Variants in ZFAND1 observed in about 807,000 individuals in gnomAD.
ZFAND1 encodes the protein AN1-type zinc finger protein 1.
Under a neutral mutation model 38.5 loss-of-function variants are expected in ZFAND1, and 40 were observed. The observed-to-expected ratio is 1.04, with a 90% CI of 0.81 to 1.35. The LOEUF (loss-of-function observed/expected upper bound fraction) is 1.35, where lower values mean the gene tolerates loss of function less well. Ranked by LOEUF, ZFAND1 falls within the 40% of genes most tolerant of loss-of-function variation. The pLI is 0.00. For missense variants in ZFAND1, 346 were observed against 316.3 expected, an observed-to-expected ratio of 1.09 and a Z score of -0.71; for synonymous variants, 117 against 103.6, an observed-to-expected ratio of 1.13 and a Z score of -0.78.
At chr8:81,717,500 G>A (rs13275876) in intron 2 of ZFAND1, among the ~76,000 whole-genome samples, 58,405 of 151,880 alleles carry the variant, frequency 0.38, 12,531 homozygotes, top group Admixed American at 0.5. Context: ...TTCAATATGA[G>A]TAAAAACAAT....
At chr8:81,705,634 T>C (rs1807955826) in intron 6 of ZFAND1, among the ~76,000 whole-genome samples, 1 of 152,116 alleles carries the variant, frequency 6.6e-6, no homozygotes, top group Non-Finnish European at 1.5e-5. Context: ...ATAGAAACAA[T>C]TATAGGCTGG....
chr8:81,710,268 G>A (rs1585923879), intron 6 of ZFAND1, among the ~76,000 whole-genome samples: 4 of 152,292 alleles, frequency 2.6e-5, no homozygotes, highest in Admixed American at 2.0e-4. Flanking sequence ...AGAGACACAG[G>A]AGTGTGTATG....
intron 6 of ZFAND1, among the ~76,000 whole-genome samples, chr8:81,712,958 A>G (rs1277217878): frequency 3.3e-5 from 5 of 152,210 alleles, no homozygotes; most frequent in African/African-American, 9.6e-5. Context: ...GAAGTTGACC[A>G]TATCTAGTAA....
chr8:81,721,011 C>G (rs1380596021), intron 1 of ZFAND1: 11 of 576,074 alleles, frequency 1.9e-5, no homozygotes, highest in Non-Finnish European at 3.1e-5. Context: ...GCATGGCTTC[C>G]TTCCAAGGAG....
At chr8:81,713,254 C>CTG (rs1464048805) in intron 6 of ZFAND1, among the ~76,000 whole-genome samples, 6 of 99,698 alleles carry the variant, frequency 6.0e-5, no homozygotes, top group Non-Finnish European at 1.2e-4. Flanking sequence ...TCCCGAGTAG[C>CTG]TGGGACTACA....
chr8:81,708,981 G>A (rs1429939567), intron 6 of ZFAND1, among the ~76,000 whole-genome samples: 1 of 152,164 alleles, frequency 6.6e-6, no homozygotes, highest in Non-Finnish European at 1.5e-5. Flanking sequence ...AAAGTTGTTT[G>A]ACAATTTTTA....
intron 5 of ZFAND1, 82 bp downstream of exon 5, chr8:81,714,722 C>A: frequency 8.5e-7 from 1 of 1,177,372 alleles, no homozygotes; most frequent in Non-Finnish European, 1.3e-6. Context: ...ATTAATGATG[C>A]CTCCCATAAT....
Position 81,703,151 on chromosome 8 carries a change from C to T in ZFAND1, c.481-27G>A, listed in dbSNP as rs781085872. 2.1e-6 allele frequency: 3 copies of T among 1,452,156 alleles called. No homozygotes were observed. In the South Asian group the frequency reaches 4.4e-5, roughly 21 times the overall value. 90.0% of individuals were successfully genotyped at this position (1,452,156 alleles called of 1,614,324 possible). A position where few individuals can be genotyped will look rare whatever the true frequency, so the allele number is the denominator to read the frequency against. ...TGTAAAAAGAAAAAGTTAAAACAAC[C>T]ATTACATAGACAAAATAGACATCAG... On this transcript the variant is annotated intron_variant, in intron 6 of 7. Transcript: ENST00000220669.
At chr8:81,714,611 C>A in intron 5 of ZFAND1, 193 bp downstream of exon 5, 1 of 554,170 alleles carries the variant, frequency 1.8e-6, no homozygotes, top group Non-Finnish European at 3.2e-6. Context: ...TGGAGTACCT[C>A]CAAATAATTT....
chr8:81,707,075 T>C (rs1015617437), intron 6 of ZFAND1, among the ~76,000 whole-genome samples: 13 of 152,240 alleles, frequency 8.5e-5, no homozygotes, highest in African/African-American at 3.1e-4. Context: ...AAATCCAGTG[T>C]GAATCCTTCA....
In ZFAND1 at chr8:81,717,231, G is replaced by A; in HGVS notation, c.138+18C>T. 1 of 1,526,696 alleles carries A rather than the reference G, an allele frequency of 6.6e-7. No homozygotes were observed. Among genetic ancestry groups the A allele is most frequent in the Admixed American group, 2.4e-5 (1 of 41,920 alleles). The allele number at this position is 1,526,696 out of a possible 1,614,324, so 94.6% of individuals were successfully genotyped here. A position where few individuals can be genotyped will look rare whatever the true frequency, so the allele number is the denominator to read the frequency against. ...AAATACGAATACATTTTATCAGATT[G>A]GAAAAATACTAACATACCTCAGGAC... On this transcript the variant is annotated intron_variant, in intron 3 of 7. Transcript: ENST00000220669.
At chr8:81,720,316 A>G (rs1808433401) in intron 1 of ZFAND1, among the ~76,000 whole-genome samples, 1 of 152,174 alleles carries the variant, frequency 6.6e-6, no homozygotes, top group Non-Finnish European at 1.5e-5. Flanking sequence ...TCTCAGTGCA[A>G]TGGGGAGAGC....
At chr8:81,718,080 G>T in intron 2 of ZFAND1, 102 bp downstream of exon 2, 1 of 941,336 alleles carries the variant, frequency 1.1e-6, no homozygotes, top group Non-Finnish European at 1.5e-6. Flanking sequence ...ATAATCAATG[G>T]CTAAAGTAAC....
chr8:81,720,094 GT>G (rs1163746012), intron 1 of ZFAND1, among the ~76,000 whole-genome samples: 1 of 152,194 alleles, frequency 6.6e-6, no homozygotes, highest in Non-Finnish European at 1.5e-5. Flanking sequence ...AATCTCAAGA[GT>G]CTTTGACACG....
At chr8:81,706,665 A>G (rs866999483) in intron 6 of ZFAND1, among the ~76,000 whole-genome samples, 1 of 152,064 alleles carries the variant, frequency 6.6e-6, no homozygotes, top group Non-Finnish European at 1.5e-5. Flanking sequence ...AATAATGAGT[A>G]TAATTATTTA....
rs1807814607 is a variant in ZFAND1, at chr8:81,701,623, T to C, written c.*1072A>G. ...CATTTAGTGGGAACTCAAATAACTA[T>C]GCTAATGAATGAAAGTACAAGAACA... is the stretch of plus-strand genomic sequence containing the variant. On this transcript the variant is annotated 3_prime_UTR_variant, in exon 8 of 8. Coordinates refer to ENST00000220669, the MANE Select transcript of ZFAND1 (RefSeq NM_024699.3). The C allele has an allele frequency of 6.6e-6, 1 of 152,178 alleles. No individual in the cohort carries two copies. Among genetic ancestry groups the C allele is most frequent in the African/African-American group, 2.4e-5 (1 of 41,450 alleles). The allele number at this position is 152,178 out of a possible 1,614,324, so 9.4% of individuals were successfully genotyped here. A position where few individuals can be genotyped will look rare whatever the true frequency, so the allele number is the denominator to read the frequency against.
At position 81,703,019 on chromosome 8, in the gene ZFAND1, CAA is replaced by C; in HGVS notation, c.584_585del (p.Phe195CysfsTer8). 5 of 1,564,182 alleles carry C rather than the reference CAA, an allele frequency of 3.2e-6. No individual in the cohort carries two copies. The highest frequency in any genetic ancestry group is 4.3e-6 in the Non-Finnish European group (5 of 1,152,768). On this transcript the variant is annotated frameshift_variant, in exon 7 of 8. Coordinates refer to ENST00000220669, the MANE Select transcript of ZFAND1 (RefSeq NM_024699.3). LOFTEE classifies it high-confidence loss of function. ...HRWSIGKAID[F>X]AASLARLKND... is the part of the protein sequence containing the mutation. ...TTTTTAAGCCTGGCTAGAGAAGCGG[CAA>C]AGTCTATGGCCTTTCCAATGCTCCA...
intron 6 of ZFAND1, chr8:81,708,705 T>G: frequency 9.8e-7 from 1 of 1,024,852 alleles, no homozygotes. Context: ...TAATAGCTAC[T>G]GGAAACCATG....
In ZFAND1 at chr8:81,703,029, G is replaced by A; in HGVS notation, c.576C>T (p.Ala192=). 1 of 1,582,798 alleles carries A rather than the reference G, an allele frequency of 6.3e-7. No homozygotes were observed. Among genetic ancestry groups the A allele is most frequent in the Non-Finnish European group, 8.6e-7 (1 of 1,160,940 alleles). ...TGGCTAGAGAAGCGGCAAAGTCTAT[G>A]GCCTTTCCAATGCTCCATCGGTGGC... ...FFCHRWSIGK[A]IDFAASLARL... is the part of the protein sequence containing the mutation. Residue 192 remains alanine, a synonymous_variant, in exon 7 of 8, where the codon GCC becomes GCT. Transcript: ENST00000220669.
Sources: allele counts gnomAD v4.1 joint callset (sites outside exome capture counted in the v4.1 genomes callset), GRCh38; gene constraint gnomAD v4.1.1; transcripts MANE v1.5; gene names NCBI Gene and HGNC (gene_info 2026-07-23, HGNC 2026-07-21).